The following SMIM17 variants were observed in gnomAD, a reference collection of about 807,000 sequenced individuals.
SMIM17 encodes small integral membrane protein 17.
Under a neutral mutation model 12.2 loss-of-function variants are expected in SMIM17, and 10 were observed. That is an observed-to-expected ratio of 0.82 (90% CI 0.50 to 1.39). The LOEUF (loss-of-function observed/expected upper bound fraction) is 1.39, where lower values mean the gene tolerates loss of function less well. Ranked by LOEUF, SMIM17 falls within the 40% of genes most tolerant of loss-of-function variation. SMIM17 has a pLI of 0.00. For missense variants in SMIM17, 136 were observed against 118.2 expected (o/e 1.15, Z -0.70); for synonymous variants, 50 against 44.1 (o/e 1.13, Z -0.53).
chr19:56,652,438 G>A (rs972953148), intron 3 of SMIM17, among the ~76,000 whole-genome samples: 3 of 151,958 alleles, frequency 2.0e-5, no homozygotes, highest in Non-Finnish European at 2.9e-5. Flanking sequence ...GTGGATTACG[G>A]GGTCAGGAGT....
In SMIM17 at chr19:56,656,920, G is replaced by A. The variant is rs191929837; in HGVS notation, c.*1707G>A. Among the ~76,000 whole-genome samples, 328 of 152,242 alleles carry A rather than the reference G, an allele frequency of 2.2e-3. No individual in the cohort carries two copies. Among genetic ancestry groups the A allele is most frequent in the African/African-American group, 7.2e-3 (298 of 41,532 alleles). On this transcript the variant is annotated 3_prime_UTR_variant, in exon 4 of 4. Transcript: ENST00000598409. ...TTGTTTCACGAACATTTAAGATGAA[G>A]ATATCTTCTCTGTCTGTAGAACTGA... is the stretch of plus-strand genomic sequence containing the variant.
chr19:56,655,058 C>A, intron 3 of SMIM17, 45 bp from the exon 4 acceptor site: 2 of 629,838 alleles, frequency 3.2e-6, no homozygotes, highest in Non-Finnish European at 5.8e-6. Flanking sequence ...ACAATGGTGG[C>A]CCCTTCCTTT....
chr19:56,654,043 A>T (rs2148045219), intron 3 of SMIM17, among the ~76,000 whole-genome samples: 1 of 152,312 alleles, frequency 6.6e-6, no homozygotes, highest in African/African-American at 2.4e-5. Context: ...TTGTCTTCTC[A>T]TCTCTTATCA....
At chr19:56,651,335 G>A (rs1432044262) in intron 3 of SMIM17, among the ~76,000 whole-genome samples, 1 of 152,134 alleles carries the variant, frequency 6.6e-6, no homozygotes, top group South Asian at 2.1e-4. Context: ...TCCTGCCTGT[G>A]CTTGGGGCAG....
At chr19:56,651,981 G>A (rs940172443) in intron 3 of SMIM17, among the ~76,000 whole-genome samples, 13 of 151,638 alleles carry the variant, frequency 8.6e-5, no homozygotes, top group African/African-American at 2.4e-4. Context: ...GCACATGCCT[G>A]TAATCCCAGC....
chr19:56,654,747 A>T lies in SMIM17; in HGVS notation c.247-356A>T, dbSNP rs543900744. ...TCAGATATCCAACTGGAGATGGCAAATAGGCAGTGAGATATATAGTTGGGT... is the reference window on the plus strand; with the variant it reads ...TCAGATATCCAACTGGAGATGGCAATTAGGCAGTGAGATATATAGTTGGGT... On this transcript the variant is annotated intron_variant, in intron 3 of 3. Transcript: ENST00000598409. Among the ~76,000 whole-genome samples the T allele has an allele frequency of 1.8e-4, 27 of 152,312 alleles. No individual in the cohort carries two copies. The South Asian group carries it at 4.1e-3, about 23-fold the overall frequency.
At chr19:56,652,246 C>T (rs765452089) in intron 3 of SMIM17, among the ~76,000 whole-genome samples, 7 of 151,710 alleles carry the variant, frequency 4.6e-5, no homozygotes, top group Admixed American at 3.9e-4. Flanking sequence ...TGAAGCCCAG[C>T]GGGGAGTGAG....
chr19:56,644,742 A>C (rs2045049014), intron 1 of SMIM17, among the ~76,000 whole-genome samples: 1 of 152,198 alleles, frequency 6.6e-6, no homozygotes, highest in African/African-American at 2.4e-5. Context: ...TTTCATTTGT[A>C]GAAAAGTGAC....
intron 1 of SMIM17, 128 bp from the exon 2 acceptor site, chr19:56,645,440 A>G: frequency 2.5e-6 from 1 of 403,136 alleles, no homozygotes; most frequent in Non-Finnish European, 4.4e-6. Context: ...TTGTCTCCCT[A>G]CTAGAATGTA....
At position 56,656,222 on chromosome 19, in the gene SMIM17, A is replaced by G. The variant is rs556628488; in HGVS notation, c.*1009A>G. The stretch of plus-strand genomic sequence containing the variant: ...GCCTCCCAAAGTGCTGGGATTACAG[A>G]TGTGAGCCACCGTGCCCAGCCCAGA... On this transcript the variant is annotated 3_prime_UTR_variant, in exon 4 of 4. Transcript: ENST00000598409. Among the ~76,000 whole-genome samples the G allele has an allele frequency of 3.3e-5, 5 of 152,022 alleles. No homozygotes were observed. Among genetic ancestry groups the G allele is most frequent in the South Asian group, 2.1e-4 (1 of 4,828 alleles).
intron 3 of SMIM17, 71 bp downstream of exon 3, chr19:56,647,705 C>A (rs915687917): frequency 7.6e-7 from 1 of 1,323,236 alleles, no homozygotes; most frequent in Non-Finnish European, 1.0e-6. Context: ...GTCACATTTG[C>A]ATTCTCAGCT....
At chr19:56,651,727 G>C (rs1417278731) in intron 3 of SMIM17, among the ~76,000 whole-genome samples, 1 of 152,014 alleles carries the variant, frequency 6.6e-6, no homozygotes, top group Non-Finnish European at 1.5e-5. Flanking sequence ...CTAGTTACAT[G>C]GTGTGTTCAC....
intron 3 of SMIM17, among the ~76,000 whole-genome samples, chr19:56,649,696 G>A (rs979917154): frequency 2.0e-5 from 3 of 152,136 alleles, no homozygotes; most frequent in Admixed American, 6.5e-5. Flanking sequence ...GTACAGATGT[G>A]CCTGGTACAT....
At position 56,645,634 on chromosome 19, in the gene SMIM17, G is replaced by A. The variant is rs2148037821; in HGVS notation, c.-34G>A. The A allele has an allele frequency of 2.1e-6, 3 of 1,448,232 alleles. No individual in the cohort carries two copies. The Middle Eastern group carries it at 7.4e-4, about 358-fold the overall frequency. The allele number at this position is 1,448,232 out of a possible 1,614,324, so 89.7% of individuals were successfully genotyped here. A position where few individuals can be genotyped will look rare whatever the true frequency, so the allele number is the denominator to read the frequency against. ...CCCTGGAGCAGGAGGAGAAAGAGAAGCTTGTCTCAGAAGCTCCACCTCCTC... is the reference window on the plus strand; with the variant it reads ...CCCTGGAGCAGGAGGAGAAAGAGAAACTTGTCTCAGAAGCTCCACCTCCTC... On this transcript the variant is annotated 5_prime_UTR_variant, in exon 2 of 4. Coordinates refer to ENST00000598409, the MANE Select transcript of SMIM17 (RefSeq NM_001193628.2).
intron 1 of SMIM17, among the ~76,000 whole-genome samples, chr19:56,644,845 T>C (rs2045049771): frequency 6.6e-6 from 1 of 152,190 alleles, no homozygotes; most frequent in Admixed American, 6.5e-5. Context: ...CGATCCTAGC[T>C]CACTGAAGCC....
chr19:56,644,593 G>T (rs908564710), intron 1 of SMIM17, among the ~76,000 whole-genome samples: 1 of 152,222 alleles, frequency 6.6e-6, no homozygotes, highest in Middle Eastern at 3.2e-3. Context: ...GCATGGTGCA[G>T]CTTCTTCAGA....
intron 1 of SMIM17, among the ~76,000 whole-genome samples, chr19:56,645,077 T>C (rs62130908): frequency 0.55 from 83,784 of 152,086 alleles, 23,290 homozygotes; most frequent in East Asian, 0.75. Context: ...GACTGGAGAA[T>C]CATGTGTGGC....
intron 3 of SMIM17, among the ~76,000 whole-genome samples, chr19:56,650,909 T>TTCAC (rs1395959804): frequency 6.6e-6 from 1 of 152,206 alleles, no homozygotes; most frequent in Non-Finnish European, 1.5e-5. Context: ...ACATCATTCA[T>TTCAC]TCACTCACTC....
At chr19:56,647,091 C>A (rs2045069115) in intron 2 of SMIM17, among the ~76,000 whole-genome samples, 3 of 152,022 alleles carry the variant, frequency 2.0e-5, no homozygotes, top group Admixed American at 6.5e-5. Flanking sequence ...GGGACATGTC[C>A]CCACTAGTGT....
Sources: allele counts gnomAD v4.1 joint callset (sites outside exome capture counted in the v4.1 genomes callset), GRCh38; gene constraint gnomAD v4.1.1; transcripts MANE v1.5; gene names NCBI Gene and HGNC (gene_info 2026-07-23, HGNC 2026-07-21).